The following SMARCAL1 variants were observed in gnomAD, a reference collection of about 807,000 sequenced individuals.
SMARCAL1 encodes the protein SNF2 related chromatin remodeling annealing helicase 1, also known as ATP-driven annealing helicase.
In SMARCAL1, 58 loss-of-function variants were observed where a neutral mutation model predicts 94.5. The observed-to-expected ratio is 0.61, with a 90% CI of 0.50 to 0.76. The LOEUF is 0.76. SMARCAL1 is among the 30% of genes least tolerant of loss of function. SMARCAL1 has a pLI of 0.00. For missense variants in SMARCAL1, 1,051 were observed against 1,177.9 expected (o/e 0.89, Z 1.58); for synonymous variants, 422 against 455.1 (o/e 0.93, Z 0.93).
intron 13 of SMARCAL1, among the ~76,000 whole-genome samples, chr2:216,465,849 G>A (rs908334999): frequency 1.4e-4 from 21 of 152,006 alleles, no homozygotes; most frequent in Admixed American, 6.6e-5. Context: ...CCCCATCCTC[G>A]TACTTGGCCC....
At chr2:216,449,218 A>G (rs284554) in intron 11 of SMARCAL1, among the ~76,000 whole-genome samples, 8,464 of 152,236 alleles carry the variant, frequency 0.056, 521 homozygotes, top group East Asian at 0.16. Context: ...CTACCTCCCA[A>G]AGGCCCCACC....
At chr2:216,464,475 G>C (rs1694785623) in intron 12 of SMARCAL1, 122 bp from the exon 13 acceptor site, 1 of 804,032 alleles carries the variant, frequency 1.2e-6, no homozygotes, top group Non-Finnish European at 2.2e-6. Context: ...CAGCACCAGG[G>C]TCTCCTGACT....
intron 9 of SMARCAL1, among the ~76,000 whole-genome samples, chr2:216,435,977 G>GT (rs1427332933): frequency 3.3e-5 from 5 of 151,852 alleles, no homozygotes; most frequent in East Asian, 1.9e-4. Flanking sequence ...TTTCTGTGTT[G>GT]TTTTTTTTGA....
intron 7 of SMARCAL1, among the ~76,000 whole-genome samples, chr2:216,432,237 G>T (rs750603342): frequency 6.6e-6 from 1 of 151,966 alleles, no homozygotes; most frequent in Non-Finnish European, 1.5e-5. Flanking sequence ...CAGGTGATCC[G>T]CCCCACTCAG....
chr2:216,429,220 G>T (rs1693907770), intron 7 of SMARCAL1, among the ~76,000 whole-genome samples: 1 of 152,228 alleles, frequency 6.6e-6, no homozygotes, highest in South Asian at 2.1e-4. Context: ...ACACACAGAA[G>T]CACCATTTTT....
intron 11 of SMARCAL1, 60 bp from the exon 12 acceptor site, chr2:216,450,786 C>A (rs1694430574): frequency 2.9e-6 from 4 of 1,400,890 alleles, no homozygotes; most frequent in African/African-American, 1.4e-5. Flanking sequence ...GATCCCAAGT[C>A]CCTGTTGGAC....
rs369431487 is a variant in SMARCAL1 at position 216,450,998 on chromosome 2, G to A, written c.2004G>A (p.Arg668=). The part of the protein sequence containing the change: ...QRKIVVIAPG[R]INARTRAALD... ...AGATAGTGGTGATTGCCCCAGGACG[G>A]ATCAATGCCAGGACCAGAGCTGCCC... Residue 668 remains arginine, a synonymous_variant, in exon 12 of 18, where the codon CGG becomes CGA. Coordinates refer to ENST00000357276, the MANE Select transcript of SMARCAL1 (RefSeq NM_014140.4). The A allele has an allele frequency of 6.2e-7, 1 of 1,614,102 alleles. No homozygotes were observed. The highest frequency in any genetic ancestry group is 1.3e-5 in the African/African-American group (1 of 74,926).
chr2:216,434,851 A>ATTTT (rs11408208), intron 8 of SMARCAL1, among the ~76,000 whole-genome samples: 2 of 117,368 alleles, frequency 1.7e-5, no homozygotes, highest in African/African-American at 3.3e-5. Flanking sequence ...ACAACTCTCT[A>ATTTT]TTTTTTTTTT....
intron 10 of SMARCAL1, among the ~76,000 whole-genome samples, chr2:216,441,156 G>A (rs958648511): frequency 6.6e-6 from 1 of 152,156 alleles, no homozygotes; most frequent in Non-Finnish European, 1.5e-5. Flanking sequence ...TCAGCAAATA[G>A]GCATAATGAG....
chr2:216,437,136 G>A (rs764289067), intron 9 of SMARCAL1, among the ~76,000 whole-genome samples: 6 of 152,188 alleles, frequency 3.9e-5, no homozygotes, highest in Non-Finnish European at 7.3e-5. Flanking sequence ...AGAGGCTTCA[G>A]TTTAAACCAT....
At chr2:216,476,538 C>A (rs1695083561) in intron 15 of SMARCAL1, among the ~76,000 whole-genome samples, 1 of 152,102 alleles carries the variant, frequency 6.6e-6, no homozygotes, top group Admixed American at 6.6e-5. Context: ...TTCTGGAACT[C>A]CTGGGCTCAA....
intron 12 of SMARCAL1, among the ~76,000 whole-genome samples, chr2:216,461,994 T>C (rs1405884824): frequency 6.6e-6 from 1 of 152,200 alleles, no homozygotes; most frequent in Non-Finnish European, 1.5e-5. Context: ...TTTGTGCACA[T>C]GCAATTTTAT....
At chr2:216,423,704 G>A in intron 6 of SMARCAL1, 21 bp downstream of exon 6, 1 of 1,591,452 alleles carries the variant, frequency 6.3e-7, no homozygotes, top group Non-Finnish European at 8.6e-7. Flanking sequence ...TTCCTTACTT[G>A]TTTTATATCA....
chr2:216,453,994 T>A (rs911028542), intron 12 of SMARCAL1, among the ~76,000 whole-genome samples: 11 of 152,216 alleles, frequency 7.2e-5, no homozygotes, highest in African/African-American at 2.7e-4. Context: ...CTGACTGTAA[T>A]CATCTTTTGT....
intron 9 of SMARCAL1, among the ~76,000 whole-genome samples, chr2:216,436,813 T>C (rs1428406224): frequency 6.6e-6 from 1 of 152,200 alleles, no homozygotes; most frequent in Non-Finnish European, 1.5e-5. Context: ...TGAGTAGGCT[T>C]TATCTTTTAT....
rs149599324 is a variant in SMARCAL1 at position 216,432,796 on chromosome 2, C to T, written c.1413C>T (p.Ile471=). The change falls in exon 8 of 18, where the codon ATC becomes ATT. Residue 471 remains isoleucine, a synonymous_variant. Transcript: ENST00000357276. ...GLGKTIQAIC[I]AAFYRKEWPL... Reference sequence around the variant, plus strand: ...GGAAGACCATCCAAGCCATCTGCATCGCAGCCTTTTACCGGAAGGAGTGGC... The same window carrying T: ...GGAAGACCATCCAAGCCATCTGCATTGCAGCCTTTTACCGGAAGGAGTGGC... The T allele has an allele frequency of 2.1e-4, 344 of 1,614,088 alleles. No individual in the cohort carries two copies. The highest frequency in any genetic ancestry group is 2.7e-4 in the Non-Finnish European group (318 of 1,180,048).
At chr2:216,434,784 G>A (rs1404666105) in intron 8 of SMARCAL1, among the ~76,000 whole-genome samples, 1 of 151,868 alleles carries the variant, frequency 6.6e-6, no homozygotes, top group Non-Finnish European at 1.5e-5. Flanking sequence ...GTTTGAGGCT[G>A]CAGTAAGCTG....
At chr2:216,458,029 A>T (rs1274367186) in intron 12 of SMARCAL1, among the ~76,000 whole-genome samples, 1 of 152,182 alleles carries the variant, frequency 6.6e-6, no homozygotes, top group East Asian at 1.9e-4. Flanking sequence ...CAGAAATACA[A>T]ACTACCATCA....
At position 216,429,835 on chromosome 2, in the gene SMARCAL1, ATC is replaced by A. The variant is rs1329150570; in HGVS notation, c.1334+1059_1334+1060del. Among the ~76,000 whole-genome samples the A allele has an allele frequency of 1.1e-4, 17 of 151,570 alleles. 1 individual carries two copies. In the East Asian group the frequency reaches 2.3e-3, roughly 21 times the overall value. On this transcript the variant is annotated intron_variant, in intron 7 of 17. Transcript: ENST00000357276. ...CTAATTCTTTTCTTCATTTCCTTCC[ATC>A]TCTCTTACATAGCACACTCTGCAAA...
Sources: gnomAD v4.1 joint callset for allele counts (sites outside exome capture counted in the v4.1 genomes callset) on GRCh38, gnomAD v4.1.1 for gene constraint, MANE v1.5 for transcripts, NCBI Gene and HGNC (gene_info 2026-07-23, HGNC 2026-07-21) for gene names.